Variants in CEP112 observed in about 807,000 individuals in gnomAD.
CEP112 encodes the protein centrosomal protein 112, also known as centrosomal protein of 112 kDa.
Under a neutral mutation model 153.0 loss-of-function variants are expected in CEP112, and 127 were observed. That is an observed-to-expected ratio of 0.83 (90% CI 0.72 to 0.96). The LOEUF (loss-of-function observed/expected upper bound fraction) is 0.96, where lower values mean the gene tolerates loss of function less well. Among genes scored for constraint, CEP112 ranks in the 40% least tolerant of loss-of-function variants. The pLI, the probability that CEP112 is intolerant of heterozygous loss-of-function variation, is 0.00. For missense variants in CEP112, 1,089 were observed against 1,101.2 expected (o/e 0.99, Z 0.16); for synonymous variants, 358 against 374.4 (o/e 0.96, Z 0.51).
chr17:66,145,233 T>C (rs1396606418), intron 4 of CEP112, among the ~76,000 whole-genome samples: 1 of 152,222 alleles, frequency 6.6e-6, no homozygotes, highest in African/African-American at 2.4e-5. Context: ...GCACATTAAC[T>C]GGATTGTGTG....
At chr17:66,024,303 T>C (rs1343504541) in intron 16 of CEP112, among the ~76,000 whole-genome samples, 1 of 152,002 alleles carries the variant, frequency 6.6e-6, no homozygotes, top group Non-Finnish European at 1.5e-5. Context: ...AACATAGAAC[T>C]AGAAGTCTTA....
At chr17:65,654,291 T>C (rs996943717) in intron 24 of CEP112, among the ~76,000 whole-genome samples, 2 of 152,154 alleles carry the variant, frequency 1.3e-5, no homozygotes, top group Non-Finnish European at 2.9e-5. Context: ...AAAGTGAAAA[T>C]GTAGAAATAA....
At chr17:65,675,332 C>T (rs1354615864) in intron 24 of CEP112, among the ~76,000 whole-genome samples, 1 of 152,148 alleles carries the variant, frequency 6.6e-6, no homozygotes, top group African/African-American at 2.4e-5. Flanking sequence ...CAGTGAACTC[C>T]ACCACCTATA....
chr17:65,863,184 T>C (rs1304969139), intron 20 of CEP112, among the ~76,000 whole-genome samples: 1 of 152,168 alleles, frequency 6.6e-6, no homozygotes, highest in Non-Finnish European at 1.5e-5. Flanking sequence ...TTATTTTAAT[T>C]TACGGTCTTT....
chr17:66,128,100 G>A (rs995954282), intron 6 of CEP112, among the ~76,000 whole-genome samples: 5 of 151,856 alleles, frequency 3.3e-5, no homozygotes, highest in African/African-American at 7.3e-5. Context: ...TCGGGAGTTC[G>A]AGACCAGCCT....
In CEP112 at chr17:66,066,809, A is replaced by C. The variant is rs1230927175; in HGVS notation, c.924T>G (p.Thr308=). 2 of 1,553,256 alleles carry C rather than the reference A, an allele frequency of 1.3e-6. No homozygotes were observed. Among genetic ancestry groups the C allele is most frequent in the East Asian group, 4.6e-5 (2 of 43,206 alleles). ...KTLYRSKQHE[T]EETIRKLEKK... ...TTTCAAGCTTTCTAATAGTCTCTTC[A>C]GTTTCATGTTGTTTACTCCTGTATA... Residue 308 remains threonine, a synonymous_variant, in exon 10 of 27, where the codon ACT becomes ACG. Coordinates refer to ENST00000535342, the MANE Select transcript of CEP112 (RefSeq NM_001199165.4).
chr17:65,941,838 C>T (rs2061515220), intron 18 of CEP112, among the ~76,000 whole-genome samples: 2 of 151,330 alleles, frequency 1.3e-5, no homozygotes, highest in Admixed American at 1.3e-4. Context: ...GGCTGGAGTA[C>T]AGTGGCACAA....
At chr17:65,925,059 A>T (rs1721684962) in intron 19 of CEP112, among the ~76,000 whole-genome samples, 2 of 152,236 alleles carry the variant, frequency 1.3e-5, no homozygotes, top group Middle Eastern at 3.4e-3. Context: ...GTCCCCACCC[A>T]AATCTCACCT....
chr17:65,676,777 C>T (rs1343120545), intron 24 of CEP112, among the ~76,000 whole-genome samples: 1 of 152,176 alleles, frequency 6.6e-6, no homozygotes, highest in African/African-American at 2.4e-5. Flanking sequence ...TTTATGAAAT[C>T]ACACAAAGCC....
At chr17:65,920,594 A>G (rs1361122961) in intron 19 of CEP112, among the ~76,000 whole-genome samples, 1 of 150,748 alleles carries the variant, frequency 6.6e-6, no homozygotes, top group Non-Finnish European at 1.5e-5. Flanking sequence ...CAGACCTTAA[A>G]TTTACAAACA....
chr17:65,731,988 C>A (rs1438629463), intron 23 of CEP112, among the ~76,000 whole-genome samples: 1 of 152,144 alleles, frequency 6.6e-6, no homozygotes, highest in Admixed American at 6.5e-5. Context: ...ATATTTTGAC[C>A]TCCTCCCATG....
At chr17:66,117,495 T>C (rs1347102771) in intron 6 of CEP112, among the ~76,000 whole-genome samples, 3 of 152,164 alleles carry the variant, frequency 2.0e-5, no homozygotes, top group Non-Finnish European at 2.9e-5. Context: ...ATTTTTTAAA[T>C]TTAAATTCCC....
intron 21 of CEP112, among the ~76,000 whole-genome samples, chr17:65,823,785 G>T (rs2056707267): frequency 6.6e-6 from 1 of 151,946 alleles, no homozygotes; most frequent in South Asian, 2.1e-4. Context: ...TTAGAAAATA[G>T]CAGTAAAAAA....
intron 23 of CEP112, among the ~76,000 whole-genome samples, chr17:65,729,406 G>A (rs1191984978): frequency 1.3e-5 from 2 of 151,962 alleles, no homozygotes; most frequent in East Asian, 1.9e-4. Context: ...TATGAGGCTG[G>A]TGCAAAAGTA....
intron 21 of CEP112, chr17:65,826,520 G>A (rs1426235340): frequency 2.9e-6 from 4 of 1,380,888 alleles, no homozygotes; most frequent in Non-Finnish European, 3.7e-6. Flanking sequence ...ACACTGCCTG[G>A]CTCAGTTCCT....
chr17:65,880,711 G>A (rs940329384), intron 20 of CEP112, among the ~76,000 whole-genome samples: 7 of 152,168 alleles, frequency 4.6e-5, no homozygotes, highest in South Asian at 2.1e-4. Context: ...GTGTGAAGAC[G>A]TGCTCTGAGG....
At chr17:65,726,984 G>C (rs1421482924) in intron 23 of CEP112, among the ~76,000 whole-genome samples, 1 of 152,156 alleles carries the variant, frequency 6.6e-6, no homozygotes, top group Non-Finnish European at 1.5e-5. Flanking sequence ...AGACTTGCAA[G>C]TATATCCAGA....
At chr17:66,057,649 G>A (rs1255834601) in intron 11 of CEP112, among the ~76,000 whole-genome samples, 1 of 151,986 alleles carries the variant, frequency 6.6e-6, no homozygotes, top group Middle Eastern at 3.2e-3. Flanking sequence ...ATTGTTGAAT[G>A]AATGACTACA....
intron 21 of CEP112, among the ~76,000 whole-genome samples, chr17:65,781,934 A>G (rs2054020853): frequency 6.6e-6 from 1 of 152,210 alleles, no homozygotes; most frequent in Non-Finnish European, 1.5e-5. Context: ...ACCATTCTGG[A>G]CCTTGGCCTT....
Sources: gnomAD v4.1 joint callset for allele counts (sites outside exome capture counted in the v4.1 genomes callset) on GRCh38, gnomAD v4.1.1 for gene constraint, MANE v1.5 for transcripts, NCBI Gene and HGNC (gene_info 2026-07-23, HGNC 2026-07-21) for gene names.